The following PSD3 variants were observed in gnomAD, a reference collection of about 807,000 sequenced individuals.
PSD3 encodes the protein pleckstrin and Sec7 domain containing 3.
PSD3 carries 49 observed loss-of-function variants against 105.5 expected under a neutral mutation model. That is an observed-to-expected ratio of 0.46 (90% CI 0.37 to 0.59). The LOEUF is 0.59. Among genes scored for constraint, PSD3 ranks in the 20% least tolerant of loss-of-function variants. PSD3 has a pLI of 0.00. For missense variants in PSD3, 1,561 were observed against 1,263.8 expected, an observed-to-expected ratio of 1.24 and a Z score of -3.57; for synonymous variants, 557 against 457.8, an observed-to-expected ratio of 1.22 and a Z score of -2.77.
At chr8:18,664,275 T>C (rs376769749) in intron 9 of PSD3, among the ~76,000 whole-genome samples, 1 of 152,194 alleles carries the variant, frequency 6.6e-6, no homozygotes, top group East Asian at 1.9e-4. Flanking sequence ...AAAGAAAAAG[T>C]TCTTGAAGAA....
chr8:18,923,326 C>T (rs1821154415), intron 2 of PSD3, among the ~76,000 whole-genome samples: 1 of 152,106 alleles, frequency 6.6e-6, no homozygotes, highest in Admixed American at 6.5e-5. Flanking sequence ...ACAAGGTAGC[C>T]CCATTCTAAA....
At chr8:18,744,758 C>G (rs185925003) in intron 9 of PSD3, among the ~76,000 whole-genome samples, 1 of 152,132 alleles carries the variant, frequency 6.6e-6, no homozygotes, top group Non-Finnish European at 1.5e-5. Flanking sequence ...CTGAACTATA[C>G]ACCTTATTCA....
rs528365156 is a variant in PSD3 at position 18,634,017 on chromosome 8, G to A, written c.2217-1211C>T. Among the ~76,000 whole-genome samples, 3 of 152,174 alleles carry A rather than the reference G, an allele frequency of 2.0e-5. No individual in the cohort carries two copies. The East Asian group carries it at 5.8e-4, about 29-fold the overall frequency. ...TTGATTTGCATTTCTCTGATGATTA[G>A]TGACGCCGAGTATTTTTTCATGTTT... On this transcript the variant is annotated intron_variant, in intron 10 of 15. Coordinates refer to ENST00000327040, the MANE Select transcript of PSD3 (RefSeq NM_015310.4).
At chr8:18,549,275 G>A (rs914341389) in intron 15 of PSD3, among the ~76,000 whole-genome samples, 70 of 149,464 alleles carry the variant, frequency 4.7e-4, no homozygotes, top group Middle Eastern at 3.5e-3. Flanking sequence ...TCTGCCTCCC[G>A]GGTTCAAGTG....
intron 1 of PSD3, among the ~76,000 whole-genome samples, chr8:19,073,248 C>T (rs376275650): frequency 6.6e-6 from 1 of 152,096 alleles, no homozygotes; most frequent in Admixed American, 6.6e-5. Flanking sequence ...TTTGGTCAGG[C>T]TTCATGATTA....
chr8:18,709,216 C>A (rs572965348), intron 9 of PSD3, among the ~76,000 whole-genome samples: 2 of 152,310 alleles, frequency 1.3e-5, no homozygotes, highest in African/African-American at 4.8e-5. Flanking sequence ...CACAGTGAAG[C>A]ACAGCGACTG....
chr8:18,897,784 C>T (rs1441195081), intron 2 of PSD3, among the ~76,000 whole-genome samples: 2 of 152,040 alleles, frequency 1.3e-5, no homozygotes, highest in African/African-American at 4.8e-5. Context: ...CAATTGCTTT[C>T]TTACTTTCTT....
chr8:18,752,561 T>TATATTAC (rs1563225418), intron 9 of PSD3, among the ~76,000 whole-genome samples: 1 of 85,550 alleles, frequency 1.2e-5, no homozygotes, highest in Non-Finnish European at 1.9e-5. Flanking sequence ...TATAATTATA[T>TATATTAC]ATATTATATA....
intron 11 of PSD3, among the ~76,000 whole-genome samples, chr8:18,609,819 C>G (rs1805118478): frequency 6.6e-6 from 1 of 152,122 alleles, no homozygotes; most frequent in South Asian, 2.1e-4. Flanking sequence ...ACAAAATATC[C>G]TCAGGCATCA....
At chr8:18,746,394 A>G (rs1805024826) in intron 9 of PSD3, among the ~76,000 whole-genome samples, 1 of 151,826 alleles carries the variant, frequency 6.6e-6, no homozygotes, top group African/African-American at 2.4e-5. Context: ...TCACCCTTCC[A>G]TGCCCCACGT....
At chr8:18,786,961 A>T (rs971302629) in intron 8 of PSD3, 2 of 152,238 alleles carry the variant, frequency 1.3e-5, no homozygotes, top group African/African-American at 4.8e-5. Flanking sequence ...AGGGAATAAA[A>T]GTAAAATGAA....
At chr8:19,039,312 A>T (rs1828047297) in intron 1 of PSD3, among the ~76,000 whole-genome samples, 1 of 152,050 alleles carries the variant, frequency 6.6e-6, no homozygotes, top group African/African-American at 2.4e-5. Flanking sequence ...ATCTGTGCTC[A>T]TTTCTGGGCT....
At chr8:18,638,420 A>T (rs930361221) in intron 10 of PSD3, among the ~76,000 whole-genome samples, 1 of 152,154 alleles carries the variant, frequency 6.6e-6, no homozygotes, top group Non-Finnish European at 1.5e-5. Flanking sequence ...CAACTGTTAG[A>T]ACTGCTAAAG....
intron 14 of PSD3, among the ~76,000 whole-genome samples, chr8:18,564,726 C>A (rs192302713): frequency 6.6e-6 from 1 of 151,882 alleles, no homozygotes; most frequent in Admixed American, 6.6e-5. Flanking sequence ...AAGGAAGCAA[C>A]TACAAGAATG....
intron 4 of PSD3, among the ~76,000 whole-genome samples, chr8:18,838,356 G>A (rs1043609258): frequency 1.4e-4 from 21 of 152,148 alleles, no homozygotes; most frequent in African/African-American, 3.1e-4. Context: ...AAAGGAAATC[G>A]TCTGACCCTC....
chr8:18,987,993 G>C (rs974658591), intron 1 of PSD3, among the ~76,000 whole-genome samples: 10 of 151,290 alleles, frequency 6.6e-5, no homozygotes, highest in East Asian at 2.0e-4. Context: ...CTAGCAATGG[G>C]GCAATAACAC....
chr8:18,850,868 A>G (rs1287285071), intron 4 of PSD3, among the ~76,000 whole-genome samples: 1 of 152,172 alleles, frequency 6.6e-6, no homozygotes, highest in Non-Finnish European at 1.5e-5. Flanking sequence ...AATCAACAAA[A>G]GGGAGTGGCT....
intron 2 of PSD3, among the ~76,000 whole-genome samples, chr8:18,897,089 G>A (rs988450752): frequency 2.0e-5 from 3 of 152,144 alleles, no homozygotes; most frequent in Admixed American, 6.5e-5. Context: ...TTACAGGCGT[G>A]AGCCACCGTG....
chr8:19,062,447 G>C (rs1828935371), intron 1 of PSD3, among the ~76,000 whole-genome samples: 1 of 152,122 alleles, frequency 6.6e-6, no homozygotes, highest in East Asian at 1.9e-4. Flanking sequence ...GTAGAGACTT[G>C]TTCAAGTCAT....
Sources: allele counts gnomAD v4.1 joint callset (sites outside exome capture counted in the v4.1 genomes callset), GRCh38; gene constraint gnomAD v4.1.1; transcripts MANE v1.5; gene names NCBI Gene and HGNC (gene_info 2026-07-23, HGNC 2026-07-21).